The following ZZEF1 variants were observed in gnomAD, a reference collection of about 807,000 sequenced individuals.
ZZEF1 encodes zinc finger ZZ-type and EF-hand domain-containing protein 1.
A neutral mutation model predicts 342.8 loss-of-function variants in ZZEF1; 157 were observed. The observed-to-expected ratio is 0.46, with a 90% CI of 0.40 to 0.52. ZZEF1 has a LOEUF of 0.52. ZZEF1 is among the 20% of genes least tolerant of loss of function. The pLI, the probability that ZZEF1 is intolerant of heterozygous loss-of-function variation, is 0.00. For missense variants in ZZEF1, 3,480 were observed against 3,725.6 expected, an observed-to-expected ratio of 0.93 and a Z score of 1.72; for synonymous variants, 1,505 against 1,429.1, an observed-to-expected ratio of 1.05 and a Z score of -1.20.
At chr17:4,051,174 A>G in intron 35 of ZZEF1, 131 bp from the exon 36 acceptor site, 1 of 1,204,586 alleles carries the variant, frequency 8.3e-7, no homozygotes, top group Middle Eastern at 2.7e-4. Flanking sequence ...GCGCTTACTG[A>G]AAATGTAAAG....
Position 4,050,919 on chromosome 17 carries a change from A to G in ZZEF1, c.5725T>C (p.Tyr1909His), listed in dbSNP as rs1272247991. 1 of 1,614,218 alleles carries G rather than the reference A, an allele frequency of 6.2e-7. No individual in the cohort carries two copies. The highest frequency in any genetic ancestry group is 8.5e-7 in the Non-Finnish European group (1 of 1,180,036). The change falls in exon 36 of 55, where the codon TAT (tyrosine) becomes CAT (histidine). Residue 1909 changes from tyrosine (Y) to histidine (H), a missense_variant. Physicochemically the swap from Tyr to His is moderately conservative, Grantham distance 83 (BLOSUM62 2). Transcript: ENST00000381638. ...SWLLFAALAL[Y>H]SAHLASAEDV... The stretch of plus-strand genomic sequence containing the variant: ...TCTGCACTGGCCAGGTGGGCGCTAT[A>G]GAGAGCCAGGGCAGCAAAGAGCAGC...
In ZZEF1 at chr17:4,104,715, A is replaced by C; in HGVS notation, c.1491T>G (p.Thr497=). The part of the protein sequence containing the change: ...AKVMSSLCTI[T]DHLDTQYDAS... ...CATCATACTGCGTGTCCAGATGGTC[A>C]GTGATGGTGCATAGAGAGCTCATGA... Residue 497 remains threonine, a synonymous_variant, in exon 8 of 55, where the codon ACT becomes ACG. Coordinates refer to ENST00000381638, the MANE Select transcript of ZZEF1 (RefSeq NM_015113.4). The C allele has an allele frequency of 1.2e-6, 2 of 1,614,206 alleles. No homozygotes were observed. Among genetic ancestry groups the C allele is most frequent in the Middle Eastern group, 1.7e-4 (1 of 6,058 alleles).
In ZZEF1 at chr17:4,111,999, C is replaced by T; in HGVS notation, c.1066+610G>A. ...AGTGAGCTATGACTGTACCACTGCACTCCAGCCTGGGTGACAAAAAGAGAT... is the reference window on the plus strand; with the variant it reads ...AGTGAGCTATGACTGTACCACTGCATTCCAGCCTGGGTGACAAAAAGAGAT... On this transcript the variant is annotated intron_variant, in intron 5 of 54. Coordinates refer to ENST00000381638, the MANE Select transcript of ZZEF1 (RefSeq NM_015113.4). Among the ~76,000 whole-genome samples, 2 of 110,046 alleles carry T rather than the reference C, an allele frequency of 1.8e-5. 1 individual carries two copies. The highest frequency in any genetic ancestry group is 3.7e-5 in the Non-Finnish European group (2 of 54,070). The allele number at this position is 110,046 out of a possible 152,430, so 72.2% of individuals were successfully genotyped here. A position where few individuals can be genotyped will look rare whatever the true frequency, so the allele number is the denominator to read the frequency against.
intron 1 of ZZEF1, among the ~76,000 whole-genome samples, chr17:4,132,954 A>T (rs562786346): frequency 3.1e-4 from 46 of 150,790 alleles, no homozygotes; most frequent in Non-Finnish European, 5.8e-4. Flanking sequence ...CGACAGAGCG[A>T]GACTCCATCT....
At chr17:4,044,403 A>G in intron 37 of ZZEF1, 29 bp from the exon 38 acceptor site, 1 of 1,586,602 alleles carries the variant, frequency 6.3e-7, no homozygotes, top group Non-Finnish European at 8.6e-7. Context: ...AAAAGAATTA[A>G]GGTTTCTTAT....
At position 4,054,096 on chromosome 17, in the gene ZZEF1, G is replaced by A. The variant is rs1383244833; in HGVS notation, c.5395C>T (p.Gln1799Ter). The change falls in exon 34 of 55, where the codon CAG (glutamine) becomes TAG (stop). Residue 1799 changes from glutamine (Q) to a stop codon, truncating the protein, a stop_gained. Coordinates refer to ENST00000381638, the MANE Select transcript of ZZEF1 (RefSeq NM_015113.4). LOFTEE classifies it high-confidence loss of function. The stretch of plus-strand genomic sequence containing the variant: ...TTGCAGAGATCCATGTCGCTGCACT[G>A]CAGACAGCGGTATCGATGCCAGGGG... ...IAPWHRYRCL[Q>*]CSDMDLCKTC... 1.2e-6 allele frequency: 2 copies of A among 1,613,662 alleles called. No homozygotes were observed. The highest frequency in any genetic ancestry group is 1.7e-6 in the Non-Finnish European group (2 of 1,179,840).
chr17:4,028,549 C>CAA (rs35998175), intron 42 of ZZEF1, among the ~76,000 whole-genome samples: 438 of 108,874 alleles, frequency 4.0e-3, no homozygotes, highest in South Asian at 8.1e-3. Context: ...ACTCTGTCTC[C>CAA]AAAAAAAAAA....
intron 38 of ZZEF1, 132 bp from the exon 39 acceptor site, chr17:4,042,700 G>C (rs1258978722): frequency 9.8e-7 from 1 of 1,021,828 alleles, no homozygotes; most frequent in Non-Finnish European, 1.4e-6. Context: ...TTTTAAATTT[G>C]AGAGGGAGTC....
intron 5 of ZZEF1, among the ~76,000 whole-genome samples, chr17:4,111,098 T>G (rs1368662471): frequency 2.0e-5 from 3 of 152,190 alleles, no homozygotes; most frequent in Admixed American, 2.0e-4. Flanking sequence ...ATGCAAAGAA[T>G]ATCAACATTT....
At chr17:4,084,653 C>A (rs1010865531) in intron 16 of ZZEF1, among the ~76,000 whole-genome samples, 1 of 152,132 alleles carries the variant, frequency 6.6e-6, no homozygotes, top group East Asian at 1.9e-4. Context: ...CATTTTCATA[C>A]AGAAATACTT....
At chr17:4,099,961 A>C (rs1033944562) in intron 9 of ZZEF1, among the ~76,000 whole-genome samples, 1 of 152,184 alleles carries the variant, frequency 6.6e-6, no homozygotes, top group Non-Finnish European at 1.5e-5. Context: ...GGACTTAATA[A>C]ATCTACCACT....
At chr17:4,025,941 G>A (rs1317907074) in intron 42 of ZZEF1, among the ~76,000 whole-genome samples, 3 of 152,196 alleles carry the variant, frequency 2.0e-5, no homozygotes, top group African/African-American at 7.2e-5. Context: ...CATCCAGGCA[G>A]AATCCAGCAG....
At chr17:4,043,300 C>G (rs1226351801) in intron 38 of ZZEF1, among the ~76,000 whole-genome samples, 1 of 152,186 alleles carries the variant, frequency 6.6e-6, no homozygotes, top group Non-Finnish European at 1.5e-5. Context: ...GAATAAACTG[C>G]CTATGAACCA....
At chr17:4,038,270 C>G (rs1403276177) in intron 39 of ZZEF1, among the ~76,000 whole-genome samples, 1 of 152,164 alleles carries the variant, frequency 6.6e-6, no homozygotes, top group African/African-American at 2.4e-5. Context: ...CAAACAACGG[C>G]AGAAACTGTT....
intron 32 of ZZEF1, among the ~76,000 whole-genome samples, chr17:4,057,114 C>G (rs1010639859): frequency 6.6e-6 from 1 of 152,232 alleles, no homozygotes; most frequent in African/African-American, 2.4e-5. Context: ...GCTTTGCGCT[C>G]GGTGCCACGG....
At chr17:4,118,478 T>C (rs572480805) in intron 2 of ZZEF1, among the ~76,000 whole-genome samples, 1 of 152,310 alleles carries the variant, frequency 6.6e-6, no homozygotes, top group East Asian at 1.9e-4. Context: ...AGCATCCCTG[T>C]CTGCCACTGA....
At chr17:4,114,534 T>G in intron 3 of ZZEF1, 64 bp from the exon 4 acceptor site, 1 of 1,298,570 alleles carries the variant, frequency 7.7e-7, no homozygotes, top group Non-Finnish European at 1.0e-6. Context: ...AAAGAGTCAT[T>G]TAAAATATCT....
chr17:4,121,550 C>T (rs1400242163), intron 2 of ZZEF1, among the ~76,000 whole-genome samples: 3 of 152,110 alleles, frequency 2.0e-5, no homozygotes, highest in Non-Finnish European at 2.9e-5. Context: ...CACTTGAACC[C>T]AGGAGGTGGA....
At chr17:4,057,894 A>G in intron 32 of ZZEF1, 100 bp downstream of exon 32, 1 of 1,252,412 alleles carries the variant, frequency 8.0e-7, no homozygotes, top group Non-Finnish European at 1.1e-6. Context: ...TATGACACAG[A>G]CAGTCTAGCT....
Sources: allele counts gnomAD v4.1 joint callset (sites outside exome capture counted in the v4.1 genomes callset), GRCh38; gene constraint gnomAD v4.1.1; transcripts MANE v1.5; gene names NCBI Gene and HGNC (gene_info 2026-07-23, HGNC 2026-07-21).